Variants in ENPP1 observed in about 807,000 individuals in gnomAD.
The protein encoded by ENPP1 is ectonucleotide pyrophosphatase/phosphodiesterase 1, also known as ectonucleotide pyrophosphatase/phosphodiesterase family member 1.
Under a neutral mutation model 122.8 loss-of-function variants are expected in ENPP1, and 73 were observed. The observed-to-expected ratio is 0.59, with a 90% CI of 0.49 to 0.72. The LOEUF is 0.72. ENPP1 is among the 30% of genes least tolerant of loss of function. The pLI, the probability that ENPP1 is intolerant of heterozygous loss-of-function variation, is 0.00. For missense variants in ENPP1, 978 were observed against 1,128.1 expected, an observed-to-expected ratio of 0.87 and a Z score of 1.91; for synonymous variants, 367 against 391.6, an observed-to-expected ratio of 0.94 and a Z score of 0.74.
chr6:131,821,784 C>T (rs559320503), intron 1 of ENPP1, among the ~76,000 whole-genome samples: 1 of 152,316 alleles, frequency 6.6e-6, no homozygotes, highest in East Asian at 1.9e-4. Flanking sequence ...TATCCAATTC[C>T]AAGTTTCCAC....
rs556975566 is a variant in ENPP1, at chr6:131,811,041, G to A, written c.240+2766G>A. On this transcript the variant is annotated intron_variant, in intron 1 of 24. Transcript: ENST00000647893. Reference sequence around the variant, plus strand: ...GTGTCAGTAGGTATGTTAAATATTAGATGCCTTTCCTTGGTTGTAAATGAA... The same window carrying A: ...GTGTCAGTAGGTATGTTAAATATTAAATGCCTTTCCTTGGTTGTAAATGAA... Among the ~76,000 whole-genome samples the A allele has an allele frequency of 2.0e-5, 3 of 152,172 alleles. No individual in the cohort carries two copies. The East Asian group carries it at 5.8e-4, about 29-fold the overall frequency.
chr6:131,886,639 C>G lies in ENPP1; in HGVS notation c.2522C>G (p.Thr841Arg). The change falls in exon 24 of 25, where the codon ACA (threonine) becomes AGA (arginine). Residue 841 changes from threonine to arginine, a missense_variant. Transcript: ENST00000647893. ...ATTGTGCTAACAAGCTGTAAAGATA[C>G]ATCTCAGACGCCTTTGCACTGTGAA... is the stretch of plus-strand genomic sequence containing the variant. ...FFIVLTSCKD[T>R]SQTPLHCENL... 1 of 1,613,782 alleles carries G rather than the reference C, an allele frequency of 6.2e-7. No individual in the cohort carries two copies.
At chr6:131,839,084 T>C (rs939140295) in intron 1 of ENPP1, among the ~76,000 whole-genome samples, 29 of 152,304 alleles carry the variant, frequency 1.9e-4, no homozygotes, top group African/African-American at 7.0e-4. Flanking sequence ...GCCTAGTTTA[T>C]GAAGTTAGCA....
At chr6:131,850,134 G>C in intron 3 of ENPP1, 28 bp downstream of exon 3, 1 of 1,389,388 alleles carries the variant, frequency 7.2e-7, no homozygotes. Flanking sequence ...AAAAAGTGGA[G>C]TTATGGTCAT....
chr6:131,834,347 C>T (rs1377114667), intron 1 of ENPP1, among the ~76,000 whole-genome samples: 1 of 152,050 alleles, frequency 6.6e-6, no homozygotes, highest in Non-Finnish European at 1.5e-5. Context: ...TTGCAGAAAC[C>T]CAGGAAAGAT....
chr6:131,892,592 C>A lies in ENPP1; in HGVS notation c.*2081C>A, dbSNP rs545010391. ...GTAGCCTACACAGCCTTCTCCGACA[C>A]CACTCTGGAGTTGTATTCTTCCAGC... is the stretch of plus-strand genomic sequence containing the variant. On this transcript the variant is annotated 3_prime_UTR_variant, in exon 25 of 25. Coordinates refer to ENST00000647893, the MANE Select transcript of ENPP1 (RefSeq NM_006208.3). 6.6e-6 allele frequency: 1 copy of A among 152,380 alleles called. No homozygotes were observed. The highest frequency in any genetic ancestry group is 2.1e-4 in the South Asian group (1 of 4,830). 9.4% of individuals were successfully genotyped at this position (152,380 alleles called of 1,614,324 possible).
intron 1 of ENPP1, among the ~76,000 whole-genome samples, chr6:131,812,777 A>G (rs1781369670): frequency 1.3e-5 from 2 of 152,188 alleles, no homozygotes; most frequent in Non-Finnish European, 2.9e-5. Context: ...AAAGGTATAC[A>G]TTGATTCCAT....
Position 131,887,876 on chromosome 6 carries a change from T to C in ENPP1, c.2607+1152T>C, listed in dbSNP as rs536274496. 4.6e-4 allele frequency among the ~76,000 whole-genome samples: 66 copies of C among 144,576 alleles called. No individual in the cohort carries two copies. In the East Asian group the frequency reaches 0.012, roughly 25 times the overall value. 94.8% of individuals were successfully genotyped at this position (144,576 alleles called of 152,430 possible). ...CACCGTGCCTGGCCTTTTTTTTTTTTTTTTTTTGGAGTCTTGCTCTGTCAC... is the reference window on the plus strand; with the variant it reads ...CACCGTGCCTGGCCTTTTTTTTTTTCTTTTTTTGGAGTCTTGCTCTGTCAC... On this transcript the variant is annotated intron_variant, in intron 24 of 24. Coordinates refer to ENST00000647893, the MANE Select transcript of ENPP1 (RefSeq NM_006208.3).
intron 23 of ENPP1, 109 bp from the exon 24 acceptor site, chr6:131,886,452 AT>A: frequency 1.2e-6 from 1 of 803,378 alleles, no homozygotes. Context: ...ATATTTAATT[AT>A]TTGTTTGAAT....
rs59956343 is a variant in ENPP1, at chr6:131,847,856, G to GGTGTGTGTGT, written c.313+37_313+46dup. The GGTGTGTGTGT allele has an allele frequency of 2.4e-5, 28 of 1,182,094 alleles. No individual in the cohort carries two copies. The highest frequency in any genetic ancestry group is 5.7e-5 in the Admixed American group (3 of 52,562). The allele number at this position is 1,182,094 out of a possible 1,614,324, so 73.2% of individuals were successfully genotyped here. On this transcript the variant is annotated intron_variant, in intron 2 of 24. Coordinates refer to ENST00000647893, the MANE Select transcript of ENPP1 (RefSeq NM_006208.3). ...CAAGCTGTGCCAAAGAAGGTAATTA[G>GGTGTGTGTGT]GTGTGTGTGTGTGTGTGTGTGTGTG...
chr6:131,842,117 G>A lies in ENPP1; in HGVS notation c.241-5659G>A, dbSNP rs77613097. On this transcript the variant is annotated intron_variant, in intron 1 of 24. Coordinates refer to ENST00000647893, the MANE Select transcript of ENPP1 (RefSeq NM_006208.3). ...GATGCTTATCAACCCCCGGTCCTTG[G>A]CAAGTTACTAACCTCTGTAGCTCAC... Among the ~76,000 whole-genome samples the A allele has an allele frequency of 7.6e-3, 1,161 of 152,184 alleles. 11 individuals carry two copies. Among genetic ancestry groups the A allele is most frequent in the African/African-American group, 0.027 (1,105 of 41,494 alleles).
intron 1 of ENPP1, among the ~76,000 whole-genome samples, chr6:131,837,969 G>A (rs1005828328): frequency 1.3e-5 from 2 of 151,318 alleles, no homozygotes; most frequent in African/African-American, 4.9e-5. Context: ...ACTGTTTTCT[G>A]TTACTATTAT....
At chr6:131,853,269 T>A (rs1300399171) in intron 5 of ENPP1, among the ~76,000 whole-genome samples, 2 of 152,206 alleles carry the variant, frequency 1.3e-5, no homozygotes, top group African/African-American at 4.8e-5. Context: ...AGCCTTTTTT[T>A]AAGGAAAATT....
intron 1 of ENPP1, among the ~76,000 whole-genome samples, chr6:131,811,718 G>A (rs1188035020): frequency 6.6e-6 from 1 of 152,164 alleles, no homozygotes; most frequent in African/African-American, 2.4e-5. Context: ...CCCTGGGAAT[G>A]GGTGCAGTGA....
intron 9 of ENPP1, among the ~76,000 whole-genome samples, chr6:131,862,686 C>T (rs978953072): frequency 5.9e-5 from 9 of 152,272 alleles, no homozygotes; most frequent in African/African-American, 9.6e-5. Flanking sequence ...TGGGTGGTGT[C>T]AGCTGATACA....
At chr6:131,867,953 G>C in intron 11 of ENPP1, 65 bp from the exon 12 acceptor site, 1 of 975,130 alleles carries the variant, frequency 1.0e-6, no homozygotes, top group Non-Finnish European at 1.6e-6. Flanking sequence ...AACAGAGATA[G>C]CTTTATGTAT....
At chr6:131,858,251 T>C (rs374044723) in intron 6 of ENPP1, among the ~76,000 whole-genome samples, 7 of 152,070 alleles carry the variant, frequency 4.6e-5, no homozygotes, top group African/African-American at 1.7e-4. Context: ...TGCTTCTAGA[T>C]TTATGGCCTG....
At chr6:131,890,084 C>A (rs1782446696) in intron 24 of ENPP1, among the ~76,000 whole-genome samples, 1 of 152,104 alleles carries the variant, frequency 6.6e-6, no homozygotes, top group African/African-American at 2.4e-5. Flanking sequence ...GTTTCTTAAA[C>A]CTATGTAATG....
Position 131,808,155 on chromosome 6 carries a change from C to CG in ENPP1, c.124dup (p.Asp42GlyfsTer35). ...GCCGCAGCCACGCTGCCGAGGCGCC[C>CG]GGGGACCCGCAGGCGGCCGCGTCCT... is the stretch of plus-strand genomic sequence containing the variant. On this transcript the variant is annotated frameshift_variant, in exon 1 of 25. Transcript: ENST00000647893. LOFTEE classifies it high-confidence loss of function. The CG allele has an allele frequency of 6.9e-7, 1 of 1,448,780 alleles. No homozygotes were observed. The highest frequency in any genetic ancestry group is 1.5e-5 in the African/African-American group (1 of 67,686). The allele number at this position is 1,448,780 out of a possible 1,614,324, so 89.7% of individuals were successfully genotyped here.
Sources: gnomAD v4.1 joint callset for allele counts (sites outside exome capture counted in the v4.1 genomes callset) on GRCh38, gnomAD v4.1.1 for gene constraint, MANE v1.5 for transcripts, NCBI Gene and HGNC (gene_info 2026-07-23, HGNC 2026-07-21) for gene names.